The following EML5 variants were observed in gnomAD, a reference collection of about 807,000 sequenced individuals.
EML5 encodes the protein EMAP like 5, also known as echinoderm microtubule-associated protein-like 5.
A neutral mutation model predicts 250.0 loss-of-function variants in EML5; 120 were observed. That is an observed-to-expected ratio of 0.48 (90% CI 0.41 to 0.56). EML5 has a LOEUF of 0.56. Ranked by LOEUF, EML5 falls within the 20% of genes least tolerant of loss-of-function variation. The pLI is 0.00. For synonymous variants in EML5, 771 were observed against 806.5 expected (o/e 0.96, Z 0.75); for missense variants, 2,006 against 2,437.6 (o/e 0.82, Z 3.73).
rs773188127 is a variant in EML5 at position 88,702,546 on chromosome 14, T to C, written c.2138A>G (p.Tyr713Cys). ...ACGCTGTGTGTTTTGCTGTCGATTA[T>C]AAATGACACCCACTGCTGCCACATG... The part of the protein sequence containing the change: ...VYHVAAVGVI[Y>C]NRQQNTQRFY... The change falls in exon 14 of 44, where the codon TAT (tyrosine) becomes TGT (cysteine). Residue 713 changes from tyrosine to cysteine, a missense_variant. Physicochemically the swap from Tyr to Cys is radical, Grantham distance 194. Transcript: ENST00000554922. 6.2e-7 allele frequency: 1 copy of C among 1,613,478 alleles called. No homozygotes were observed. Among genetic ancestry groups the C allele is most frequent in the Middle Eastern group, 1.7e-4 (1 of 6,058 alleles).
At chr14:88,779,005 T>C (rs923329492) in intron 1 of EML5, among the ~76,000 whole-genome samples, 1 of 152,150 alleles carries the variant, frequency 6.6e-6, no homozygotes, top group African/African-American at 2.4e-5. Flanking sequence ...AGATTGTAGA[T>C]TGTATATGTG....
In EML5 at chr14:88,747,111, C is replaced by A. The variant is rs375350956; in HGVS notation, c.358-828G>T. Among the ~76,000 whole-genome samples, 855 of 151,416 alleles carry A rather than the reference C, an allele frequency of 5.6e-3. 7 individuals are homozygous for A. Among genetic ancestry groups the A allele is most frequent in the African/African-American group, 0.02 (824 of 41,308 alleles). The stretch of plus-strand genomic sequence containing the variant: ...AGCAATTCAATCAAAATAAGCTAAA[C>A]AAACAAACAAAAAAAAAAGGGTCAG... On this transcript the variant is annotated intron_variant, in intron 2 of 43. Transcript: ENST00000554922.
At chr14:88,674,173 G>A (rs987642234) in intron 21 of EML5, among the ~76,000 whole-genome samples, 4 of 152,168 alleles carry the variant, frequency 2.6e-5, no homozygotes, top group African/African-American at 9.7e-5. Context: ...GGAGGCTGAG[G>A]CAGGAGAATC....
At chr14:88,747,629 A>T (rs1358804628) in intron 2 of EML5, among the ~76,000 whole-genome samples, 2 of 152,192 alleles carry the variant, frequency 1.3e-5, no homozygotes, top group African/African-American at 2.4e-5. Context: ...GATTCAAAAT[A>T]TCTGTATATG....
chr14:88,789,069 T>TA (rs879877223), intron 1 of EML5, among the ~76,000 whole-genome samples: 93 of 137,584 alleles, frequency 6.8e-4, no homozygotes, highest in East Asian at 8.3e-4. Flanking sequence ...TGTCTCAGTT[T>TA]AAAAAAAAAA....
chr14:88,677,325 T>C (rs1402611873), intron 21 of EML5, among the ~76,000 whole-genome samples: 1 of 152,152 alleles, frequency 6.6e-6, no homozygotes, highest in African/African-American at 2.4e-5. Flanking sequence ...AAGACTTAAA[T>C]GTAAAACCCA....
At chr14:88,780,776 T>C (rs1009542104) in intron 1 of EML5, among the ~76,000 whole-genome samples, 7 of 152,154 alleles carry the variant, frequency 4.6e-5, no homozygotes, top group Admixed American at 6.5e-5. Context: ...GGTTTCATCA[T>C]CTTGGCCAGA....
At chr14:88,644,952 T>C (rs1334888782) in intron 29 of EML5, among the ~76,000 whole-genome samples, 1 of 151,984 alleles carries the variant, frequency 6.6e-6, no homozygotes, top group Non-Finnish European at 1.5e-5. Flanking sequence ...CCTCAGGTGA[T>C]CGGCCCGCCT....
At chr14:88,791,885 C>T (rs1260628114) in intron 1 of EML5, among the ~76,000 whole-genome samples, 2 of 152,180 alleles carry the variant, frequency 1.3e-5, no homozygotes, top group Non-Finnish European at 2.9e-5. Flanking sequence ...CCACCGCTTG[C>T]TGTGCTTCCA....
intron 10 of EML5, among the ~76,000 whole-genome samples, chr14:88,709,666 A>C (rs919957276): frequency 6.6e-6 from 1 of 152,220 alleles, no homozygotes; most frequent in Admixed American, 6.5e-5. Context: ...GTATTTTCTT[A>C]TAACGTTCAC....
intron 33 of EML5, among the ~76,000 whole-genome samples, chr14:88,630,778 A>G (rs1254867481): frequency 2.0e-5 from 3 of 152,204 alleles, no homozygotes; most frequent in African/African-American, 7.2e-5. Context: ...TTCCCACTGG[A>G]TAACAGCAAG....
intron 14 of EML5, among the ~76,000 whole-genome samples, chr14:88,698,635 G>T (rs180842267): frequency 6.6e-6 from 1 of 152,164 alleles, no homozygotes; most frequent in East Asian, 1.9e-4. Flanking sequence ...CCTCTCCCAA[G>T]GTGGTCTTTA....
intron 17 of EML5, among the ~76,000 whole-genome samples, chr14:88,693,931 C>T (rs910948795): frequency 1.3e-4 from 20 of 150,788 alleles, no homozygotes; most frequent in Admixed American, 3.3e-4. Context: ...CCACCATGCC[C>T]AGCTAATTTT....
chr14:88,657,637 C>A, intron 26 of EML5, 135 bp from the exon 27 acceptor site: 2 of 738,828 alleles, frequency 2.7e-6, no homozygotes, highest in Non-Finnish European at 2.0e-6. Context: ...TAATATACAA[C>A]CAGAAAAAAC....
chr14:88,657,238 T>C, intron 27 of EML5, 138 bp downstream of exon 27: 1 of 806,704 alleles, frequency 1.2e-6, no homozygotes, highest in African/African-American at 1.8e-5. Flanking sequence ...ACAGACATAC[T>C]TTCTAAGAGG....
chr14:88,698,556 C>T (rs148004969), intron 14 of EML5, among the ~76,000 whole-genome samples: 84 of 152,224 alleles, frequency 5.5e-4, no homozygotes, highest in African/African-American at 1.9e-3. Context: ...TGAGCCACGG[C>T]GCCCAGCTTC....
intron 2 of EML5, among the ~76,000 whole-genome samples, chr14:88,750,513 C>G (rs1478183030): frequency 6.6e-6 from 1 of 152,046 alleles, no homozygotes; most frequent in Non-Finnish European, 1.5e-5. Flanking sequence ...TGGTATATGA[C>G]TGATGTTACA....
At chr14:88,652,994 C>T (rs1322239098) in intron 27 of EML5, among the ~76,000 whole-genome samples, 1 of 152,140 alleles carries the variant, frequency 6.6e-6, no homozygotes, top group African/African-American at 2.4e-5. Context: ...GTTTGTACCT[C>T]TCTTTGAAGA....
At chr14:88,743,120 A>G (rs908593378) in intron 4 of EML5, among the ~76,000 whole-genome samples, 4 of 152,104 alleles carry the variant, frequency 2.6e-5, no homozygotes, top group African/African-American at 9.6e-5. Context: ...AATAGTGGCT[A>G]TCAAGGCTGA....
Sources: allele counts gnomAD v4.1 joint callset (sites outside exome capture counted in the v4.1 genomes callset), GRCh38; gene constraint gnomAD v4.1.1; transcripts MANE v1.5; gene names NCBI Gene and HGNC (gene_info 2026-07-23, HGNC 2026-07-21).